UTP14C: variants seen among roughly 807,000 people sequenced by gnomAD.
UTP14C encodes U3 small nucleolar RNA-associated protein 14 homolog C.
In UTP14C, 10 loss-of-function variants were observed where a neutral mutation model predicts 14.6. The observed-to-expected ratio is 0.68, with a 90% CI of 0.42 to 1.16. The LOEUF (loss-of-function observed/expected upper bound fraction) is 1.16, where lower values mean the gene tolerates loss of function less well. UTP14C is among the 50% of genes most tolerant of loss of function. UTP14C has a pLI of 0.00. For synonymous variants in UTP14C, 315 were observed against 331.6 expected (o/e 0.95, Z 0.54); for missense variants, 818 against 890.8 (o/e 0.92, Z 1.04).
At position 52,033,399 on chromosome 13, in the gene UTP14C, G is replaced by T. The variant is rs1954325702; in HGVS notation, c.*2294G>T. On this transcript the variant is annotated 3_prime_UTR_variant, in exon 2 of 2. Transcript: ENST00000521776. ...ATTATTTAGATTTGTATTTAGACAT[G>T]ATTTATATCTAATATAGATACAAAG... The T allele has an allele frequency of 6.0e-6, 1 of 166,962 alleles. No individual in the cohort carries two copies. 10.3% of individuals were successfully genotyped at this position (166,962 alleles called of 1,614,324 possible). A position where few individuals can be genotyped will look rare whatever the true frequency, so the allele number is the denominator to read the frequency against.
rs1345262167 is a variant in UTP14C at position 52,029,059 on chromosome 13, C to T, written c.255C>T (p.Gly85=). 18 of 1,614,204 alleles carry T rather than the reference C, an allele frequency of 1.1e-5. No homozygotes were observed. The highest frequency in any genetic ancestry group is 1.5e-5 in the Non-Finnish European group (18 of 1,180,036). Residue 85 remains glycine, a synonymous_variant, in exon 2 of 2, where the codon GGC becomes GGT. Transcript: ENST00000521776. ...CTGAAGGATCAGGAGAAAAGCTGGGCCTTGCAGATCTGCTTGAGCCCGTTA... is the reference window on the plus strand; with the variant it reads ...CTGAAGGATCAGGAGAAAAGCTGGGTCTTGCAGATCTGCTTGAGCCCGTTA... ...VSSEGSGEKL[G]LADLLEPVKT... is the part of the protein sequence containing the mutation.
At position 52,030,783 on chromosome 13, in the gene UTP14C, A is replaced by G. The variant is rs755239347; in HGVS notation, c.1979A>G (p.Asp660Gly). 5.6e-6 allele frequency: 9 copies of G among 1,614,070 alleles called. No individual in the cohort carries two copies. In the African/African-American group the frequency reaches 1.1e-4, roughly 19 times the overall value. The change falls in exon 2 of 2, where the codon GAT becomes GGT. Residue 660 changes from aspartate to glycine, a missense_variant. Transcript: ENST00000521776. ...GCCCCTGAGGGTCCTCCAAGAAAAG[A>G]TAAGAATTTGCCAAATGTGATTATC... ...IKAPEGPPRK[D>G]KNLPNVIISE...
Position 52,030,022 on chromosome 13 carries a change from G to C in UTP14C, c.1218G>C (p.Glu406Asp). 1 of 1,614,190 alleles carries C rather than the reference G, an allele frequency of 6.2e-7. No individual in the cohort carries two copies. Among genetic ancestry groups the C allele is most frequent in the Non-Finnish European group, 8.5e-7 (1 of 1,180,034 alleles). ...ELAAHEVSASEAEERPVAEEE... is the reference protein window; with the variant it reads ...ELAAHEVSASDAEERPVAEEE... ...CAGCTCATGAGGTTTCTGCAAGTGA[G>C]GCAGAAGAAAGACCAGTGGCAGAGG... The change falls in exon 2 of 2, where the codon GAG becomes GAC. Residue 406 changes from glutamate to aspartate, a missense_variant. Physicochemically the swap from Glu to Asp is conservative, Grantham distance 45 (BLOSUM62 2). Transcript: ENST00000521776.
rs1954271961 is a variant in UTP14C, at chr13:52,029,201, T to C, written c.397T>C (p.Phe133Leu). Residue 133 changes from phenylalanine (F) to leucine (L), a missense_variant, in exon 2 of 2, where the codon TTC (phenylalanine) becomes CTC (leucine). Physicochemically the swap from Phe to Leu is conservative, Grantham distance 22 (BLOSUM62 0). Transcript: ENST00000521776. ...TGAACAGATCCACAGAGAAGTAGCA[T>C]TCAGTAAAACCTCACAGGTCCTCTC... Reference protein sequence around the residue: ...KIEQIHREVAFSKTSQVLSKW... With the variant: ...KIEQIHREVALSKTSQVLSKW... The C allele has an allele frequency of 1.2e-6, 2 of 1,614,096 alleles. No homozygotes were observed. Among genetic ancestry groups the C allele is most frequent in the Admixed American group, 1.7e-5 (1 of 60,012 alleles).
intron 1 of UTP14C, among the ~76,000 whole-genome samples, chr13:52,025,931 C>A (rs968498743): frequency 1.3e-5 from 2 of 152,222 alleles, no homozygotes; most frequent in Admixed American, 1.3e-4. Flanking sequence ...TGGGATCTGA[C>A]CTCCTGTGCT....
rs1239669058 is a variant in UTP14C at position 52,028,634 on chromosome 13, AAC to A, written c.-168_-167del. The A allele has an allele frequency of 5.1e-6, 8 of 1,581,928 alleles. No individual in the cohort carries two copies. Among genetic ancestry groups the A allele is most frequent in the Middle Eastern group, 3.4e-4 (2 of 5,876 alleles). On this transcript the variant is annotated 5_prime_UTR_variant, in exon 2 of 2. Coordinates refer to ENST00000521776, the MANE Select transcript of UTP14C (RefSeq NM_021645.6). ...AAAGATATTTTATATAAACTGGTTAAACACCTTCATATGTAAATATTTTTCTA... is the reference window on the plus strand; with the variant it reads ...AAAGATATTTTATATAAACTGGTTAAACCTTCATATGTAAATATTTTTCTA...
chr13:52,026,851 C>T (rs1954246024), intron 1 of UTP14C, among the ~76,000 whole-genome samples: 1 of 152,168 alleles, frequency 6.6e-6, no homozygotes, highest in African/African-American at 2.4e-5. Flanking sequence ...GAGGATTGTC[C>T]TTGTGCAGGT....
chr13:52,025,796 A>G (rs947574422), intron 1 of UTP14C, among the ~76,000 whole-genome samples: 4 of 152,248 alleles, frequency 2.6e-5, no homozygotes, highest in Non-Finnish European at 5.9e-5. Context: ...GGAAATGAGG[A>G]TAACATAAAA....
rs1954291653 is a variant in UTP14C, at chr13:52,030,544, GGAGCTGGAAGATGAA to G, written c.1744_1758del (p.Leu582_Glu586del). The G allele has an allele frequency of 6.2e-7, 1 of 1,614,052 alleles. No individual in the cohort carries two copies. Among genetic ancestry groups the G allele is most frequent in the Non-Finnish European group, 8.5e-7 (1 of 1,180,052 alleles). ...CTTTGGCAGTTCCCACAATAATAGA[GGAGCTGGAAGATGAA>G]GAGGAGAGAGACCAAAGGCAGATGA... On this transcript the variant is annotated inframe_deletion, in exon 2 of 2. Coordinates refer to ENST00000521776, the MANE Select transcript of UTP14C (RefSeq NM_021645.6).
Position 52,030,968 on chromosome 13 carries a change from A to G in UTP14C, c.2164A>G (p.Thr722Ala), listed in dbSNP as rs374512750. The G allele has an allele frequency of 7.4e-6, 12 of 1,614,104 alleles. No homozygotes were observed. The highest frequency in any genetic ancestry group is 1.6e-4 in the Middle Eastern group (1 of 6,084). ...FQKLTTPKVV[T>A]KPGHIIKPIK... is the part of the protein sequence containing the mutation. ...AAAGCTGACTACTCCCAAGGTCGTC[A>G]CCAAGCCAGGCCATATCATTAAGCC... The change falls in exon 2 of 2, where the codon ACC (threonine) becomes GCC (alanine). Residue 722 changes from threonine (T) to alanine (A), a missense_variant. Physicochemically the swap from Thr to Ala is moderately conservative, Grantham distance 58. Coordinates refer to ENST00000521776, the MANE Select transcript of UTP14C (RefSeq NM_021645.6).
chr13:52,028,454 C>G lies in UTP14C; in HGVS notation c.-351C>G, dbSNP rs372199878. 4 of 1,614,174 alleles carry G rather than the reference C, an allele frequency of 2.5e-6. No homozygotes were observed. The highest frequency in any genetic ancestry group is 2.7e-5 in the African/African-American group (2 of 75,024). On this transcript the variant is annotated 5_prime_UTR_variant, in exon 2 of 2. Transcript: ENST00000521776. ...GAGAGTGAAGAAGACTATGCTGAAA[C>G]TATCGCTCACATTCTTTCCATGTCT...
chr13:52,028,247 T>C, intron 1 of UTP14C, 72 bp from the exon 2 acceptor site: 1 of 1,584,342 alleles, frequency 6.3e-7, no homozygotes, highest in Non-Finnish European at 8.6e-7. Flanking sequence ...TTTGAAGATT[T>C]CTATTCATCC....
chr13:52,028,613 A>C lies in UTP14C; in HGVS notation c.-192A>C. On this transcript the variant is annotated 5_prime_UTR_variant, in exon 2 of 2. Coordinates refer to ENST00000521776, the MANE Select transcript of UTP14C (RefSeq NM_021645.6). ...TAATGCCATATCTGTAAAATTAAAG[A>C]TATTTTATATAAACTGGTTAAACAC... The C allele has an allele frequency of 3.7e-6, 6 of 1,602,586 alleles. No individual in the cohort carries two copies. The highest frequency in any genetic ancestry group is 5.1e-6 in the Non-Finnish European group (6 of 1,170,744).
rs746199287 is a variant in UTP14C at position 52,030,033 on chromosome 13, G to A, written c.1229G>A (p.Arg410Lys). 1.9e-6 allele frequency: 3 copies of A among 1,614,078 alleles called. No homozygotes were observed. The highest frequency in any genetic ancestry group is 2.2e-5 in the South Asian group (2 of 91,084). ...HEVSASEAEE[R>K]PVAEEEILLR... ...GTTTCTGCAAGTGAGGCAGAAGAAA[G>A]ACCAGTGGCAGAGGAAGAAATTTTG... Residue 410 changes from arginine (R) to lysine (K), a missense_variant, in exon 2 of 2, where the codon AGA (arginine) becomes AAA (lysine). Arg to Lys is a conservative substitution (Grantham distance 26). Coordinates refer to ENST00000521776, the MANE Select transcript of UTP14C (RefSeq NM_021645.6).
In UTP14C at chr13:52,032,965, T is replaced by C. The variant is rs910486152; in HGVS notation, c.*1860T>C. 1.2e-5 allele frequency: 2 copies of C among 167,114 alleles called. No homozygotes were observed. The highest frequency in any genetic ancestry group is 2.1e-4 in the South Asian group (1 of 4,834). The allele number at this position is 167,114 out of a possible 1,614,324, so 10.4% of individuals were successfully genotyped here. On this transcript the variant is annotated 3_prime_UTR_variant, in exon 2 of 2. Transcript: ENST00000521776. ...CACTTTGAAGTAAGATTCAAACTGT[T>C]ATCCACTCAATTGCCTTATTCCTGA...
At position 52,030,104 on chromosome 13, in the gene UTP14C, C is replaced by T; in HGVS notation, c.1300C>T (p.Leu434Phe). ...ERQSLRKRSELNQDAEPASSQ... is the reference protein window; with the variant it reads ...ERQSLRKRSEFNQDAEPASSQ... ...GCAATCCCTTAGAAAAAGATCTGAG[C>T]TCAACCAGGATGCTGAGCCAGCAAG... The change falls in exon 2 of 2, where the codon CTC (leucine) becomes TTC (phenylalanine). Residue 434 changes from leucine (L) to phenylalanine (F), a missense_variant. Coordinates refer to ENST00000521776, the MANE Select transcript of UTP14C (RefSeq NM_021645.6). 1 of 1,614,198 alleles carries T rather than the reference C, an allele frequency of 6.2e-7. No individual in the cohort carries two copies. The highest frequency in any genetic ancestry group is 8.5e-7 in the Non-Finnish European group (1 of 1,180,038).
In UTP14C at chr13:52,030,588, A is replaced by G. The variant is rs749058828; in HGVS notation, c.1784A>G (p.Lys595Arg). The part of the protein sequence containing the change: ...EEERDQRQMI[K>R]EAFAGDDVIR... The stretch of plus-strand genomic sequence containing the variant: ...GAGAGAGACCAAAGGCAGATGATAA[A>G]GGAAGCTTTTGCTGGGGATGATGTC... Residue 595 changes from lysine (K) to arginine (R), a missense_variant, in exon 2 of 2, where the codon AAG becomes AGG. By Grantham distance (26) the Lys-to-Arg change is conservative (BLOSUM62 2). Coordinates refer to ENST00000521776, the MANE Select transcript of UTP14C (RefSeq NM_021645.6). The G allele has an allele frequency of 5.2e-5, 84 of 1,614,106 alleles. 2 individuals carry two copies. The East Asian group carries it at 1.7e-3, about 33-fold the overall frequency.
Position 52,031,090 on chromosome 13 carries a change from A to G in UTP14C, c.2286A>G (p.Lys762=), listed in dbSNP as rs1954299585. 2.5e-6 allele frequency: 4 copies of G among 1,611,166 alleles called. No individual in the cohort carries two copies. In the South Asian group the frequency reaches 4.4e-5, roughly 18 times the overall value. Residue 762 remains lysine (K), a synonymous_variant, in exon 2 of 2, where the codon AAA becomes AAG. Coordinates refer to ENST00000521776, the MANE Select transcript of UTP14C (RefSeq NM_021645.6). ...NPKRITTRHN[K]EEKL is the part of the protein sequence containing the mutation. ...AACGAATCACCACACGTCACAATAA[A>G]GAAGAAAAACTGTAGGTTGTGTAGC...
At position 52,033,014 on chromosome 13, in the gene UTP14C, T is replaced by G. The variant is rs1954320195; in HGVS notation, c.*1909T>G. 6.0e-6 allele frequency: 1 copy of G among 167,092 alleles called. No homozygotes were observed. Among genetic ancestry groups the G allele is most frequent in the Non-Finnish European group, 1.5e-5 (1 of 68,118 alleles). 10.4% of individuals were successfully genotyped at this position (167,092 alleles called of 1,614,324 possible). A position where few individuals can be genotyped will look rare whatever the true frequency, so the allele number is the denominator to read the frequency against. ...GAGGATGTAGTGAAGGAAGAAAAAG[T>G]TTTCTGGAATTCCGTAAATTATATT... On this transcript the variant is annotated 3_prime_UTR_variant, in exon 2 of 2. Transcript: ENST00000521776.
Sources: gnomAD v4.1 joint callset for allele counts (sites outside exome capture counted in the v4.1 genomes callset) on GRCh38, gnomAD v4.1.1 for gene constraint, MANE v1.5 for transcripts, NCBI Gene and HGNC (gene_info 2026-07-23, HGNC 2026-07-21) for gene names.